Variants in GLMN observed in about 807,000 individuals in gnomAD.
The protein encoded by GLMN is glomulin, FKBP associated protein, also known as glomulin.
Under a neutral mutation model 87.8 loss-of-function variants are expected in GLMN, and 75 were observed. That is an observed-to-expected ratio of 0.85 (90% CI 0.71 to 1.04). The LOEUF (loss-of-function observed/expected upper bound fraction) is 1.04. GLMN is among the 50% of genes least tolerant of loss of function. The pLI is 0.00. For synonymous variants in GLMN, 206 were observed against 221.6 expected (o/e 0.93, Z 0.63); for missense variants, 588 against 658.8 (o/e 0.89, Z 1.18).
chr1:92,358,256 T>G, the GLMN span, among the ~76,000 whole-genome samples: 1 of 152,158 alleles, frequency 6.6e-6, no homozygotes, highest in Non-Finnish European at 1.5e-5. Flanking sequence ...CCATCCTACC[T>G]TGTTCTCCCA....
chr1:92,267,572 C>T (rs1050715963), intron 11 of GLMN, among the ~76,000 whole-genome samples: 4 of 151,670 alleles, frequency 2.6e-5, no homozygotes, highest in Non-Finnish European at 4.4e-5. Flanking sequence ...GGTGTGGTGG[C>T]GGGCGCCTGT....
chr1:92,249,422 A>G (rs1653147647), intron 16 of GLMN, among the ~76,000 whole-genome samples: 1 of 152,128 alleles, frequency 6.6e-6, no homozygotes, highest in Non-Finnish European at 1.5e-5. Context: ...GTAGCCACAC[A>G]GTATAACAAG....
the GLMN span, among the ~76,000 whole-genome samples, chr1:92,346,220 T>C: frequency 4.6e-5 from 7 of 151,684 alleles, no homozygotes; most frequent in African/African-American, 1.2e-4. Flanking sequence ...CTGGAGTGCA[T>C]TGGTGTGATG....
chr1:92,326,367 G>A, the GLMN span, among the ~76,000 whole-genome samples: 5 of 152,172 alleles, frequency 3.3e-5, no homozygotes, highest in African/African-American at 1.2e-4. Context: ...GGAGATGGCA[G>A]GGGGGTGAAA....
At position 92,263,627 on chromosome 1, in the gene GLMN, C is replaced by A; in HGVS notation, c.1405G>T (p.Asp469Tyr). The change falls in exon 15 of 19, where the codon GAT becomes TAT. Residue 469 changes from aspartate to tyrosine, a missense_variant. Transcript: ENST00000370360. ...GAETDLLQNS[D>Y]RIMASLNLLR... is the part of the protein sequence containing the mutation. Reference sequence around the variant, plus strand: ...CTTTGGTAATGGTCACCTCACCTATCTGAGTTTTGCAGTAAATCTGTTTCT... The same window carrying A: ...CTTTGGTAATGGTCACCTCACCTATATGAGTTTTGCAGTAAATCTGTTTCT... 7.2e-7 allele frequency: 1 copy of A among 1,396,932 alleles called. No individual in the cohort carries two copies. Among genetic ancestry groups the A allele is most frequent in the East Asian group, 2.3e-5 (1 of 43,810 alleles). The allele number at this position is 1,396,932 out of a possible 1,614,324, so 86.5% of individuals were successfully genotyped here.
intron 1 of GLMN, among the ~76,000 whole-genome samples, chr1:92,298,619 G>A (rs181747188): frequency 1.3e-3 from 195 of 152,328 alleles, no homozygotes; most frequent in Non-Finnish European, 1.3e-3. Context: ...GTATCACACG[G>A]AGACAAGACA....
chr1:92,299,289 C>T (rs989522765), upstream of GLMN: 26 of 457,548 alleles, frequency 5.7e-5, no homozygotes, highest in Non-Finnish European at 1.0e-4. Context: ...AAGCTTCCCA[C>T]CGCCGTCCGC....
At chr1:92,349,267 T>C in the GLMN span, among the ~76,000 whole-genome samples, 1 of 152,252 alleles carries the variant, frequency 6.6e-6, no homozygotes, top group South Asian at 2.1e-4. Context: ...AAGATGAATA[T>C]AAGATAATAT....
the GLMN span, among the ~76,000 whole-genome samples, chr1:92,361,587 A>C: frequency 6.6e-6 from 1 of 152,182 alleles, no homozygotes; most frequent in Non-Finnish European, 1.5e-5. Context: ...ATATTTTCCC[A>C]TGTGAATACA....
chr1:92,275,749 T>C (rs1202977658), intron 7 of GLMN, among the ~76,000 whole-genome samples: 2 of 152,216 alleles, frequency 1.3e-5, no homozygotes, highest in African/African-American at 2.4e-5. Context: ...CATACCTCTA[T>C]GCATTTAACA....
At chr1:92,329,747 T>C in the GLMN span, among the ~76,000 whole-genome samples, 17 of 152,152 alleles carry the variant, frequency 1.1e-4, no homozygotes, top group Admixed American at 6.5e-5. Context: ...AAACTCAACT[T>C]GATTGAGCTA....
At chr1:92,256,321 G>GTTT (rs983880249) in intron 16 of GLMN, among the ~76,000 whole-genome samples, 1 of 151,770 alleles carries the variant, frequency 6.6e-6, no homozygotes, top group Non-Finnish European at 1.5e-5. Context: ...TTCTACCAGA[G>GTTT]GTACAAAGAG....
At chr1:92,359,408 C>T in the GLMN span, among the ~76,000 whole-genome samples, 1 of 152,246 alleles carries the variant, frequency 6.6e-6, no homozygotes, top group Admixed American at 6.5e-5. Flanking sequence ...CAACCCCCGC[C>T]TCCCAGGTTC....
At chr1:92,334,396 A>T in the GLMN span, among the ~76,000 whole-genome samples, 2 of 152,188 alleles carry the variant, frequency 1.3e-5, no homozygotes, top group Admixed American at 1.3e-4. Context: ...AATATGTTGT[A>T]TATTAGATGA....
At chr1:92,325,587 T>C in the GLMN span, among the ~76,000 whole-genome samples, 3 of 152,146 alleles carry the variant, frequency 2.0e-5, no homozygotes, top group Non-Finnish European at 4.4e-5. Flanking sequence ...TTACATAACA[T>C]GTTAAAACAT....
chr1:92,258,102 T>C (rs1386382748), intron 16 of GLMN, among the ~76,000 whole-genome samples: 2 of 151,864 alleles, frequency 1.3e-5, no homozygotes, highest in Non-Finnish European at 2.9e-5. Flanking sequence ...GCAAAGGATA[T>C]GAACAGACAC....
At chr1:92,370,128 G>A in the GLMN span, among the ~76,000 whole-genome samples, 11 of 152,224 alleles carry the variant, frequency 7.2e-5, no homozygotes, top group African/African-American at 2.2e-4. Flanking sequence ...AAAGTGATCC[G>A]CCCGCATCAG....
At chr1:92,328,521 A>G in the GLMN span, among the ~76,000 whole-genome samples, 3 of 151,988 alleles carry the variant, frequency 2.0e-5, no homozygotes, top group Non-Finnish European at 2.9e-5. Context: ...TATGCTATCT[A>G]TTTCACTGGA....
rs569105642 is a variant in GLMN, at chr1:92,283,952, T to C, written c.735+2538A>G. Among the ~76,000 whole-genome samples, 4 of 152,244 alleles carry C rather than the reference T, an allele frequency of 2.6e-5. No homozygotes were observed. The East Asian group carries it at 7.7e-4, about 29-fold the overall frequency. On this transcript the variant is annotated intron_variant, in intron 7 of 18. Coordinates refer to ENST00000370360, the MANE Select transcript of GLMN (RefSeq NM_053274.3). ...CTCTTCAAGGAGAACTACAAACCAC[T>C]GTTCAACAAAATAAAAGAGGACACA...
Sources: allele counts gnomAD v4.1 joint callset (sites outside exome capture counted in the v4.1 genomes callset), GRCh38; gene constraint gnomAD v4.1.1; transcripts MANE v1.5; gene names NCBI Gene and HGNC (gene_info 2026-07-23, HGNC 2026-07-21).